RBFOX1: variants seen among roughly 807,000 people sequenced by gnomAD.
RBFOX1 encodes RNA binding protein fox-1 homolog 1.
RBFOX1 carries 8 observed loss-of-function variants against 57.7 expected under a neutral mutation model. That is an observed-to-expected ratio of 0.14 (90% CI 0.08 to 0.25). The LOEUF (loss-of-function observed/expected upper bound fraction) is 0.25, where lower values mean the gene tolerates loss of function less well. RBFOX1 is among the 10% of genes least tolerant of loss of function. RBFOX1 has a pLI of 1.00. For synonymous variants in RBFOX1, 326 were observed against 222.4 expected, an observed-to-expected ratio of 1.47 and a Z score of -4.15; for missense variants, 611 against 548.5, an observed-to-expected ratio of 1.11 and a Z score of -1.14.
rs557214942 is a variant in RBFOX1, at chr16:6,958,762, A to G, written c.-15-93295A>G. On this transcript the variant is annotated intron_variant, in intron 3 of 15. Transcript: ENST00000550418. The stretch of plus-strand genomic sequence containing the variant: ...TCTTTTATCATATGCTTAAAAATTT[A>G]TGGGCAGAAACATTAATGAAAATGA... Among the ~76,000 whole-genome samples, 21 of 152,294 alleles carry G rather than the reference A, an allele frequency of 1.4e-4. No homozygotes were observed. In the South Asian group the frequency reaches 4.3e-3, roughly 32 times the overall value.
intron 3 of RBFOX1, among the ~76,000 whole-genome samples, chr16:5,621,342 C>G (rs1346409615): frequency 6.6e-6 from 1 of 152,178 alleles, no homozygotes; most frequent in South Asian, 2.1e-4. Context: ...ATATGTCTCA[C>G]ATTCTGAGTT....
chr16:6,000,228 C>T (rs1048840086), intron 4 of RBFOX1, among the ~76,000 whole-genome samples: 4 of 152,158 alleles, frequency 2.6e-5, no homozygotes, highest in Non-Finnish European at 5.9e-5. Context: ...CCCCCTGGTG[C>T]GATGCTTCCT....
chr16:7,150,959 C>T (rs1284405384), intron 4 of RBFOX1, among the ~76,000 whole-genome samples: 1 of 152,150 alleles, frequency 6.6e-6, no homozygotes. Flanking sequence ...TTGTCTTCAC[C>T]ATTTTAAATT....
chr16:6,843,530 TAAAAAA>T (rs201653205), intron 3 of RBFOX1, among the ~76,000 whole-genome samples: 1 of 150,638 alleles, frequency 6.6e-6, no homozygotes, highest in Non-Finnish European at 1.5e-5. Flanking sequence ...GTACTAAAAA[TAAAAAA>T]AAATTATCTA....
chr16:6,827,529 C>A (rs1291841873), intron 3 of RBFOX1, among the ~76,000 whole-genome samples: 1 of 152,072 alleles, frequency 6.6e-6, no homozygotes, highest in Non-Finnish European at 1.5e-5. Flanking sequence ...CTGAGTGTGA[C>A]CATGTCACTC....
intron 1 of RBFOX1, among the ~76,000 whole-genome samples, chr16:5,373,283 T>C (rs2065905245): frequency 6.6e-6 from 1 of 152,106 alleles, no homozygotes; most frequent in African/African-American, 2.4e-5. Flanking sequence ...GTGGGTGTGG[T>C]TTGGATTTAT....
intron 3 of RBFOX1, among the ~76,000 whole-genome samples, chr16:5,738,746 G>A (rs1346075121): frequency 1.3e-5 from 2 of 152,142 alleles, no homozygotes; most frequent in South Asian, 4.1e-4. Flanking sequence ...GAGCTGGAGT[G>A]GGGGTGCACA....
intron 4 of RBFOX1, among the ~76,000 whole-genome samples, chr16:5,906,051 G>C (rs912540719): frequency 6.6e-6 from 1 of 152,120 alleles, no homozygotes; most frequent in Non-Finnish European, 1.5e-5. Flanking sequence ...TGTGAGTGGG[G>C]GTAGTCGCTG....
chr16:6,412,163 AAAAAAAAC>A (rs2093480031), intron 2 of RBFOX1, among the ~76,000 whole-genome samples: 1 of 151,534 alleles, frequency 6.6e-6, no homozygotes, highest in African/African-American at 2.4e-5. Context: ...CAAAAAAACA[AAAAAAAAC>A]ATGGCCCTTT....
At chr16:6,062,360 C>T (rs13332461) in intron 1 of RBFOX1, among the ~76,000 whole-genome samples, 7,719 of 151,918 alleles carry the variant, frequency 0.051, 525 homozygotes, top group African/African-American at 0.15. Context: ...GAAGGTAGGT[C>T]CCCCTGGCAA....
intron 4 of RBFOX1, among the ~76,000 whole-genome samples, chr16:7,354,253 G>A (rs746141309): frequency 3.3e-5 from 5 of 152,128 alleles, no homozygotes; most frequent in Non-Finnish European, 4.4e-5. Flanking sequence ...TTACAGGTGT[G>A]AGCCACCATG....
intron 1 of RBFOX1, among the ~76,000 whole-genome samples, chr16:6,227,064 C>T (rs961716586): frequency 6.6e-6 from 1 of 151,688 alleles, no homozygotes; most frequent in Non-Finnish European, 1.5e-5. Context: ...GCAGAGGTTG[C>T]AGTGAGCCGA....
intron 4 of RBFOX1, among the ~76,000 whole-genome samples, chr16:7,204,378 A>G (rs1259636834): frequency 6.6e-6 from 1 of 151,424 alleles, no homozygotes; most frequent in Non-Finnish European, 1.5e-5. Context: ...GTAATGGCAT[A>G]TACCTGAAAT....
At chr16:7,005,131 C>G (rs376685368) in intron 3 of RBFOX1, among the ~76,000 whole-genome samples, 21 of 151,962 alleles carry the variant, frequency 1.4e-4, no homozygotes, top group Non-Finnish European at 2.2e-4. Flanking sequence ...GTGACAAGAG[C>G]GAGATTCCAT....
In RBFOX1 at chr16:7,661,186, C is replaced by G. The variant is rs371839056; in HGVS notation, c.891-3743C>G. The stretch of plus-strand genomic sequence containing the variant: ...ACTGCCGGTGAGGATGGCTACATTG[C>G]TTCCACATTTTTTAGAGTTATCCTA... On this transcript the variant is annotated intron_variant, in intron 12 of 15. Coordinates refer to ENST00000550418, the MANE Select transcript of RBFOX1 (RefSeq NM_018723.4). 1.2e-4 allele frequency among the ~76,000 whole-genome samples: 18 copies of G among 152,302 alleles called. No individual in the cohort carries two copies. In the East Asian group the frequency reaches 2.7e-3, roughly 23 times the overall value.
chr16:6,832,492 A>G lies in RBFOX1; in HGVS notation c.-16+177842A>G, dbSNP rs112122934. Among the ~76,000 whole-genome samples the G allele has an allele frequency of 7.9e-4, 121 of 152,304 alleles. 1 individual carries two copies. The highest frequency in any genetic ancestry group is 2.8e-3 in the African/African-American group (116 of 41,576). Reference sequence around the variant, plus strand: ...TTGACTGAAATGAAATGTAACACCTATTGGGTATTATCTTGAGATGCTGCC... The same window carrying G: ...TTGACTGAAATGAAATGTAACACCTGTTGGGTATTATCTTGAGATGCTGCC... On this transcript the variant is annotated intron_variant, in intron 3 of 15. Transcript: ENST00000550418.
At chr16:5,293,275 C>T (rs1017615418) in intron 1 of RBFOX1, among the ~76,000 whole-genome samples, 1 of 152,138 alleles carries the variant, frequency 6.6e-6, no homozygotes, top group East Asian at 1.9e-4. Flanking sequence ...GTGTCCACAC[C>T]CCATGAAGCA....
At chr16:6,868,065 C>T (rs546543682) in intron 3 of RBFOX1, among the ~76,000 whole-genome samples, 9 of 152,104 alleles carry the variant, frequency 5.9e-5, no homozygotes, top group African/African-American at 1.9e-4. Context: ...AATGTTTTTG[C>T]CGTATGGGTG....
chr16:7,209,679 G>A (rs750246179), intron 4 of RBFOX1, among the ~76,000 whole-genome samples: 6 of 152,096 alleles, frequency 3.9e-5, no homozygotes, highest in Non-Finnish European at 7.4e-5. Context: ...TTTTTAATCC[G>A]TATTTGGTTT....
Sources: allele counts gnomAD v4.1 joint callset (sites outside exome capture counted in the v4.1 genomes callset), GRCh38; gene constraint gnomAD v4.1.1; transcripts MANE v1.5; gene names NCBI Gene and HGNC (gene_info 2026-07-23, HGNC 2026-07-21).